The following MCM8 variants were observed in gnomAD, a reference collection of about 807,000 sequenced individuals.
MCM8 encodes minichromosome maintenance 8 homologous recombination repair factor.
MCM8 carries 85 observed loss-of-function variants against 98.9 expected under a neutral mutation model. That is an observed-to-expected ratio of 0.86 (90% CI 0.72 to 1.03). MCM8 has a LOEUF of 1.03. Among genes scored for constraint, MCM8 ranks in the 50% least tolerant of loss-of-function variants. The probability of loss-of-function intolerance (pLI) is 0.00; values close to 1 mark genes in which losing one functional copy is unlikely to be tolerated. For synonymous variants in MCM8, 352 were observed against 338.6 expected (o/e 1.04, Z -0.44); for missense variants, 951 against 997.8 (o/e 0.95, Z 0.63).
At chr20:5,965,409 A>G (rs1486001338) in intron 8 of MCM8, 1 of 152,210 alleles carries the variant, frequency 6.6e-6, no homozygotes. Flanking sequence ...TACCAGAATA[A>G]TTAACATAAA....
rs757127286 is a variant in MCM8, at chr20:5,972,010, G to T, written c.1227G>T (p.Ser409=). Residue 409 remains serine (S), a synonymous_variant, in exon 11 of 19, where the codon TCG becomes TCT. Transcript: ENST00000610722. ...EENLFKLIVN[S]LCPVIFGHEL... is the part of the protein sequence containing the mutation. ...TAAGTTGTGTTCTGTTTTTCAGCTC[G>T]CTTTGCCCTGTCATTTTTGGTCATG... 3.1e-6 allele frequency: 5 copies of T among 1,610,810 alleles called. No homozygotes were observed. The highest frequency in any genetic ancestry group is 2.2e-5 in the South Asian group (2 of 90,630).
Position 5,955,871 on chromosome 20 carries a change from C to T in MCM8, c.486+620C>T, listed in dbSNP as rs560706792. The stretch of plus-strand genomic sequence containing the variant: ...TCCGCTCACTGCAACCTCTGCCTCC[C>T]GGGTTCAAGTGATTCTCTTGCCTCA... On this transcript the variant is annotated intron_variant, in intron 5 of 18. Coordinates refer to ENST00000610722, the MANE Select transcript of MCM8 (RefSeq NM_032485.6). 2.6e-3 allele frequency among the ~76,000 whole-genome samples: 400 copies of T among 152,172 alleles called. 2 individuals carry two copies. Among genetic ancestry groups the T allele is most frequent in the African/African-American group, 9.2e-3 (382 of 41,500 alleles).
chr20:5,966,697 AGGGGTTT>A (rs2089282341), intron 8 of MCM8, among the ~76,000 whole-genome samples: 2 of 152,272 alleles, frequency 1.3e-5, no homozygotes, highest in Middle Eastern at 3.4e-3. Context: ...ATACAAAGAT[AGGGGTTT>A]GGGCTATCAG....
At chr20:5,989,178 G>A (rs1307551726) in intron 17 of MCM8, among the ~76,000 whole-genome samples, 3 of 144,406 alleles carry the variant, frequency 2.1e-5, no homozygotes, top group African/African-American at 5.4e-5. Flanking sequence ...GTGCAGTGGT[G>A]TGATATTGGC....
chr20:5,958,964 T>C (rs907331425), intron 7 of MCM8, among the ~76,000 whole-genome samples: 8 of 151,584 alleles, frequency 5.3e-5, no homozygotes, highest in Non-Finnish European at 1.0e-4. Flanking sequence ...TTTAATGATA[T>C]AAAGCATTAC....
At chr20:5,976,593 G>A (rs140525362) in intron 12 of MCM8, among the ~76,000 whole-genome samples, 18 of 152,296 alleles carry the variant, frequency 1.2e-4, no homozygotes, top group Admixed American at 6.5e-4. Context: ...TCCAGGTACC[G>A]GGGCTTAAAC....
At chr20:5,977,825 A>C (rs749688374) in intron 12 of MCM8, 51 bp from the exon 13 acceptor site, 3 of 1,600,520 alleles carry the variant, frequency 1.9e-6, no homozygotes, top group Non-Finnish European at 2.6e-6. Context: ...GCTGTTAGCT[A>C]TTACTTCCCT....
rs1016875072 is a variant in MCM8, at chr20:5,983,279, A to G, written c.1733+114A>G. On this transcript the variant is annotated intron_variant, in intron 14 of 18. Transcript: ENST00000610722. ...AAAACATGGATATTTCACAGAAGTT[A>G]TAAATGTCCAATAAATGCACAAAAA... 5 of 906,476 alleles carry G rather than the reference A, an allele frequency of 5.5e-6. No homozygotes were observed. The Admixed American group carries it at 1.3e-4, about 23-fold the overall frequency. 56.2% of individuals were successfully genotyped at this position (906,476 alleles called of 1,614,324 possible). A position where few individuals can be genotyped will look rare whatever the true frequency, so the allele number is the denominator to read the frequency against.
In MCM8 at chr20:5,952,091, A is replaced by T; in HGVS notation, c.76A>T (p.Asn26Tyr). The T allele has an allele frequency of 6.2e-7, 1 of 1,614,114 alleles. No individual in the cohort carries two copies. Among genetic ancestry groups the T allele is most frequent in the South Asian group, 1.1e-5 (1 of 91,084 alleles). ...QSWKRGRGGG[N>Y]FSGKWREREH... ...CTGGAAAAGGGGAAGAGGTGGTGGG[A>T]ACTTCTCAGGAAAATGGAGAGAAAG... The change falls in exon 2 of 19, where the codon AAC becomes TAC. Residue 26 changes from asparagine to tyrosine, a missense_variant. By Grantham distance (143) the Asn-to-Tyr change is moderately radical. Transcript: ENST00000610722.
At chr20:5,979,446 A>G (rs8124775) in intron 13 of MCM8, among the ~76,000 whole-genome samples, 10,476 of 152,302 alleles carry the variant, frequency 0.069, 427 homozygotes, top group Non-Finnish European at 0.097. Context: ...CTTATTGTCT[A>G]CACAGTATCT....
At chr20:5,960,361 A>G (rs2089109902) in intron 7 of MCM8, among the ~76,000 whole-genome samples, 1 of 151,994 alleles carries the variant, frequency 6.6e-6, no homozygotes, top group African/African-American at 2.4e-5. Context: ...GCTCATTACA[A>G]CCTTGAACTC....
intron 12 of MCM8, among the ~76,000 whole-genome samples, chr20:5,973,420 G>C (rs1473736781): frequency 1.3e-5 from 2 of 152,172 alleles, no homozygotes; most frequent in African/African-American, 4.8e-5. Context: ...TTGGTCTGTT[G>C]AGACATCAAC....
Position 5,984,742 on chromosome 20 carries a change from A to T in MCM8, c.1734-39A>T, listed in dbSNP as rs16991625. ...GACAGTTTTCTAGTTTTTCCTTTTG[A>T]TTCCAATCATTGTTTCTTCTTTCTT... On this transcript the variant is annotated intron_variant, in intron 14 of 18. Coordinates refer to ENST00000610722, the MANE Select transcript of MCM8 (RefSeq NM_032485.6). 8,050 of 1,519,954 alleles carry T rather than the reference A, an allele frequency of 5.3e-3. 246 individuals are homozygous for T. The African/African-American group carries it at 0.078, about 15-fold the overall frequency. The allele number at this position is 1,519,954 out of a possible 1,614,324, so 94.2% of individuals were successfully genotyped here. A position where few individuals can be genotyped will look rare whatever the true frequency, so the allele number is the denominator to read the frequency against.
chr20:5,976,662 A>G (rs1009264776), intron 12 of MCM8, among the ~76,000 whole-genome samples: 11 of 152,232 alleles, frequency 7.2e-5, no homozygotes, highest in Non-Finnish European at 1.3e-4. Flanking sequence ...TGCCCCCAGG[A>G]GCTGCTGGTG....
chr20:5,958,862 G>T, intron 7 of MCM8, 136 bp downstream of exon 7: 2 of 784,178 alleles, frequency 2.6e-6, no homozygotes, highest in Non-Finnish European at 3.9e-6. Flanking sequence ...TTTATATTAT[G>T]AAATACTTCA....
intron 13 of MCM8, among the ~76,000 whole-genome samples, chr20:5,979,821 T>C (rs1398314390): frequency 6.6e-6 from 1 of 152,234 alleles, no homozygotes; most frequent in Non-Finnish European, 1.5e-5. Context: ...TGTGTTACTC[T>C]TGCTCATAAC....
intron 8 of MCM8, chr20:5,965,435 C>CCAATATCA (rs2089254489): frequency 6.6e-6 from 1 of 152,150 alleles, no homozygotes; most frequent in Non-Finnish European, 1.5e-5. Context: ...CAGCTTTGTC[C>CCAATATCA]CAATATCAAA....
chr20:5,973,396 G>A (rs1389969717), intron 12 of MCM8, among the ~76,000 whole-genome samples, 200 bp downstream of exon 12: 1 of 152,196 alleles, frequency 6.6e-6, no homozygotes, highest in South Asian at 2.1e-4. Context: ...TGTTACAGAG[G>A]CTGTACAAAC....
chr20:5,954,731 C>T (rs750324196), intron 4 of MCM8, 41 bp downstream of exon 4: 21 of 1,193,390 alleles, frequency 1.8e-5, no homozygotes, highest in Admixed American at 1.4e-4. Flanking sequence ...CATGTGCCAT[C>T]TTACCAATGT....
Sources: allele counts gnomAD v4.1 joint callset (sites outside exome capture counted in the v4.1 genomes callset), GRCh38; gene constraint gnomAD v4.1.1; transcripts MANE v1.5; gene names NCBI Gene and HGNC (gene_info 2026-07-23, HGNC 2026-07-21).